The following RBFOX1 variants were observed in gnomAD, a reference collection of about 807,000 sequenced individuals.
The protein encoded by RBFOX1 is RNA binding fox-1 homolog 1.
RBFOX1 carries 8 observed loss-of-function variants against 57.7 expected under a neutral mutation model. That is an observed-to-expected ratio of 0.14 (90% CI 0.08 to 0.25). The LOEUF (loss-of-function observed/expected upper bound fraction) is 0.25. Among genes scored for constraint, RBFOX1 ranks in the 10% least tolerant of loss-of-function variants. The probability of loss-of-function intolerance (pLI) is 1.00; values close to 1 mark genes in which losing one functional copy is unlikely to be tolerated. For synonymous variants in RBFOX1, 326 were observed against 222.4 expected, an observed-to-expected ratio of 1.47 and a Z score of -4.15; for missense variants, 611 against 548.5, an observed-to-expected ratio of 1.11 and a Z score of -1.14.
At chr16:5,266,939 T>C (rs1167594215) in intron 1 of RBFOX1, among the ~76,000 whole-genome samples, 1 of 151,990 alleles carries the variant, frequency 6.6e-6, no homozygotes, top group Non-Finnish European at 1.5e-5. Context: ...CAATAAAGCA[T>C]TTAGAAAAAT....
At chr16:6,441,321 G>A (rs1424858610) in intron 2 of RBFOX1, among the ~76,000 whole-genome samples, 2 of 152,182 alleles carry the variant, frequency 1.3e-5, no homozygotes, top group Non-Finnish European at 2.9e-5. Flanking sequence ...TCTCTCCTGT[G>A]TACATAGCTT....
At chr16:6,521,272 A>G (rs1022092908) in intron 2 of RBFOX1, among the ~76,000 whole-genome samples, 3 of 152,116 alleles carry the variant, frequency 2.0e-5, no homozygotes, top group African/African-American at 7.2e-5. Flanking sequence ...GAAAAGGTGC[A>G]TGCACGTTTT....
At chr16:6,333,853 A>C (rs1302774723) in intron 2 of RBFOX1, among the ~76,000 whole-genome samples, 2 of 152,248 alleles carry the variant, frequency 1.3e-5, no homozygotes, top group Non-Finnish European at 1.5e-5. Flanking sequence ...TCATATCACT[A>C]GATGATTTTC....
intron 2 of RBFOX1, among the ~76,000 whole-genome samples, chr16:6,372,446 TTG>T (rs1194726829): frequency 1.3e-5 from 2 of 149,574 alleles, no homozygotes; most frequent in Non-Finnish European, 3.0e-5. Context: ...GGAAGGATAG[TTG>T]GTTAGGATCT....
intron 4 of RBFOX1, among the ~76,000 whole-genome samples, chr16:5,942,396 C>G (rs759264784): frequency 6.6e-6 from 1 of 152,082 alleles, no homozygotes; most frequent in Non-Finnish European, 1.5e-5. Flanking sequence ...TCATGAGTCA[C>G]GGGTCTGAGT....
At chr16:5,502,040 T>A (rs2043215440) in intron 2 of RBFOX1, among the ~76,000 whole-genome samples, 2 of 151,710 alleles carry the variant, frequency 1.3e-5, no homozygotes, top group Non-Finnish European at 2.9e-5. Context: ...ATTATTATTA[T>A]TATTATTATT....
intron 3 of RBFOX1, among the ~76,000 whole-genome samples, chr16:6,848,804 A>C (rs1374859966): frequency 1.3e-5 from 2 of 152,196 alleles, no homozygotes; most frequent in Admixed American, 1.3e-4. Flanking sequence ...AAAGTTTCAC[A>C]CTCATGGAGG....
chr16:6,282,485 G>T (rs1363742431), intron 1 of RBFOX1, among the ~76,000 whole-genome samples: 2 of 151,532 alleles, frequency 1.3e-5, no homozygotes, highest in Non-Finnish European at 2.9e-5. Flanking sequence ...CTGTCATCTA[G>T]GTGTTAAGCC....
At chr16:7,005,286 C>T (rs552346845) in intron 3 of RBFOX1, among the ~76,000 whole-genome samples, 5 of 152,282 alleles carry the variant, frequency 3.3e-5, no homozygotes, top group African/African-American at 1.2e-4. Flanking sequence ...AGATACTTGC[C>T]TCCATTCCAG....
At chr16:6,884,369 T>G (rs1208311875) in intron 3 of RBFOX1, among the ~76,000 whole-genome samples, 1 of 152,164 alleles carries the variant, frequency 6.6e-6, no homozygotes, top group Non-Finnish European at 1.5e-5. Context: ...TGACAACAGT[T>G]GCTCTGCCCT....
At chr16:6,256,562 G>C (rs2097668664) in intron 1 of RBFOX1, among the ~76,000 whole-genome samples, 1 of 151,842 alleles carries the variant, frequency 6.6e-6, no homozygotes, top group South Asian at 2.1e-4. Flanking sequence ...TGTGAATTTT[G>C]AAAAGCGATT....
chr16:7,225,238 C>G (rs2093018840), intron 4 of RBFOX1, among the ~76,000 whole-genome samples: 1 of 152,036 alleles, frequency 6.6e-6, no homozygotes, highest in African/African-American at 2.4e-5. Flanking sequence ...TTGGCTGTGT[C>G]CCCACCCAAA....
At chr16:7,031,596 G>A (rs1157480001) in intron 3 of RBFOX1, among the ~76,000 whole-genome samples, 5 of 142,226 alleles carry the variant, frequency 3.5e-5, no homozygotes, top group African/African-American at 1.4e-4. Context: ...GTGAGACCCT[G>A]CCTAAAAAAA....
intron 3 of RBFOX1, among the ~76,000 whole-genome samples, chr16:7,004,336 C>T (rs947181747): frequency 1.3e-5 from 2 of 152,012 alleles, no homozygotes; most frequent in African/African-American, 4.8e-5. Context: ...GTATTAAACT[C>T]CTCAACATCA....
intron 5 of RBFOX1, among the ~76,000 whole-genome samples, chr16:7,556,967 A>G (rs2088719427): frequency 6.6e-6 from 1 of 152,220 alleles, no homozygotes; most frequent in Non-Finnish European, 1.5e-5. Flanking sequence ...CTCTGTTAAC[A>G]ACAACGACAT....
intron 3 of RBFOX1, among the ~76,000 whole-genome samples, chr16:6,953,001 A>G (rs2081071646): frequency 6.6e-6 from 1 of 152,086 alleles, no homozygotes; most frequent in Non-Finnish European, 1.5e-5. Flanking sequence ...TCATTGTTTG[A>G]ACTATACATC....
intron 3 of RBFOX1, among the ~76,000 whole-genome samples, chr16:5,736,385 G>A (rs1398351365): frequency 6.6e-6 from 1 of 152,100 alleles, no homozygotes; most frequent in South Asian, 2.1e-4. Flanking sequence ...GTGCACCCGA[G>A]TAGCACTGGG....
intron 3 of RBFOX1, among the ~76,000 whole-genome samples, chr16:6,835,243 G>A (rs918704079): frequency 6.6e-6 from 1 of 152,066 alleles, no homozygotes; most frequent in East Asian, 1.9e-4. Flanking sequence ...AGTGAGCGCT[G>A]TGGACTAAGA....
chr16:7,366,981 G>A (rs1334133351), intron 4 of RBFOX1, among the ~76,000 whole-genome samples: 4 of 152,070 alleles, frequency 2.6e-5, no homozygotes, highest in African/African-American at 9.7e-5. Context: ...TTTGTCAGGT[G>A]GACATGTTTT....
Sources: gnomAD v4.1 joint callset for allele counts (sites outside exome capture counted in the v4.1 genomes callset) on GRCh38, gnomAD v4.1.1 for gene constraint, MANE v1.5 for transcripts, NCBI Gene and HGNC (gene_info 2026-07-23, HGNC 2026-07-21) for gene names.